DMD: variants seen among roughly 807,000 people sequenced by gnomAD.
The protein encoded by DMD is mutant dystrophin.
Under a neutral mutation model 330.1 loss-of-function variants are expected in DMD, and 63 were observed. The ratio of observed to expected loss-of-function variants is 0.19; its 90% CI spans 0.16 to 0.24. DMD has a LOEUF of 0.24. DMD is among the 10% of genes least tolerant of loss of function. DMD has a pLI of 1.00. For synonymous variants in DMD, 1,223 were observed against 959.8 expected, an observed-to-expected ratio of 1.27 and a Z score of -5.07; for missense variants, 3,344 against 2,684.1, an observed-to-expected ratio of 1.25 and a Z score of -5.43.
chrX:32,377,580 T>C (rs73463810), intron 34 of DMD, among the ~76,000 whole-genome samples: 2,812 of 111,642 alleles, frequency 0.025, 42 homozygotes, highest in South Asian at 0.077. Context: ...CAATTAGATA[T>C]AGGGCCAAGT....
rs1013198086 is a variant in DMD at position 32,863,364 on chromosome X, A to G, written c.94-13544T>C. On this transcript the variant is annotated intron_variant, in intron 2 of 78. Coordinates refer to ENST00000357033, the MANE Select transcript of DMD (RefSeq NM_004006.3). ...AAACTCCACCTTTACTAAAAATACAAAAGTTAGCTGGGCATGGTGGCACGC... is the reference window on the plus strand; with the variant it reads ...AAACTCCACCTTTACTAAAAATACAGAAGTTAGCTGGGCATGGTGGCACGC... 2.8e-5 allele frequency among the ~76,000 whole-genome samples: 3 copies of G among 108,894 alleles called. No individual in the cohort carries two copies. The Admixed American group carries it at 2.9e-4, about 11-fold the overall frequency. 94.6% of individuals were successfully genotyped at this position (108,894 alleles called of 115,157 possible). A position where few individuals can be genotyped will look rare whatever the true frequency, so the allele number is the denominator to read the frequency against.
chrX:32,292,302 C>CTTTTTTGTTTTTTTTTTTTTT (rs2097474840), intron 42 of DMD, among the ~76,000 whole-genome samples: 1 of 62,926 alleles, frequency 1.6e-5, no homozygotes, highest in African/African-American at 7.0e-5. Flanking sequence ...AGGGAATATT[C>CTTTTTTGTTTTTTTTTTTTTT]TTTTTTTTTT....
chrX:31,486,609 T>C (rs1186213661), intron 57 of DMD, among the ~76,000 whole-genome samples: 1 of 111,657 alleles, frequency 9.0e-6, no homozygotes, highest in Non-Finnish European at 1.9e-5. Context: ...GTCTGCAGGA[T>C]TAGGTAGGAG....
chrX:31,586,425 G>A (rs755569657), intron 55 of DMD, among the ~76,000 whole-genome samples: 1 of 112,462 alleles, frequency 8.9e-6, no homozygotes, highest in South Asian at 3.7e-4. Context: ...TAGTTTGAGA[G>A]GCAATTTATT....
chrX:31,449,791 T>TAGATAGATAGATAG (rs1164127132), intron 59 of DMD, among the ~76,000 whole-genome samples: 20 of 88,261 alleles, frequency 2.3e-4, no homozygotes, highest in African/African-American at 8.6e-4. Flanking sequence ...TATATATATA[T>TAGATAGATAGATAG]ATATATAGAT....
chrX:32,842,540 C>A, intron 4 of DMD, among the ~76,000 whole-genome samples: 1 of 111,461 alleles, frequency 9.0e-6, no homozygotes, highest in East Asian at 2.8e-4. Context: ...AGTAAGACCC[C>A]CCCCATACAC....
chrX:31,932,654 G>C (rs994901135), intron 45 of DMD, among the ~76,000 whole-genome samples: 1 of 111,661 alleles, frequency 9.0e-6, no homozygotes, highest in Non-Finnish European at 1.9e-5. Context: ...GCTGAGGCAG[G>C]AGAATCACTT....
intron 7 of DMD, among the ~76,000 whole-genome samples, chrX:32,716,874 GAACTTTT>G (rs1426391810): frequency 9.0e-6 from 1 of 111,709 alleles, no homozygotes; most frequent in African/African-American, 3.3e-5. Flanking sequence ...GGTATGTGTG[GAACTTTT>G]AACTTGAGAC....
chrX:32,088,204 C>A (rs778284637), intron 44 of DMD, among the ~76,000 whole-genome samples: 49 of 111,885 alleles, frequency 4.4e-4, no homozygotes, highest in Non-Finnish European at 4.5e-4. Context: ...TTCCTAGGAG[C>A]TTTATGCATA....
intron 1 of DMD, among the ~76,000 whole-genome samples, chrX:33,224,864 C>A (rs981234845): frequency 3.6e-5 from 4 of 110,729 alleles, no homozygotes; most frequent in Non-Finnish European, 7.6e-5. Context: ...TTGCTGTGAA[C>A]CTAAAGGTTC....
At position 33,009,345 on chromosome X, in the gene DMD, TATACAC is replaced by T. The variant is rs1483429722; in HGVS notation, c.93+10788_93+10793del. ...GTGTATATGTGTATATACACGTGTA[TATACAC>T]ATGTGTGTATATGTGTATATGTGTA... is the stretch of plus-strand genomic sequence containing the variant. On this transcript the variant is annotated intron_variant, in intron 2 of 78. Coordinates refer to ENST00000357033, the MANE Select transcript of DMD (RefSeq NM_004006.3). Among the ~76,000 whole-genome samples, 343 of 55,530 alleles carry T rather than the reference TATACAC, an allele frequency of 6.2e-3. 94 individuals are homozygous for T. The highest frequency in any genetic ancestry group is 0.017 in the Middle Eastern group (1 of 58). The allele number at this position is 55,530 out of a possible 115,157, so 48.2% of individuals were successfully genotyped here.
intron 47 of DMD, among the ~76,000 whole-genome samples, chrX:31,927,125 A>G (rs1301797645): frequency 1.8e-5 from 2 of 112,350 alleles, no homozygotes; most frequent in African/African-American, 6.5e-5. Context: ...AGGCATATGG[A>G]TGGAGAAAAG....
intron 56 of DMD, among the ~76,000 whole-genome samples, chrX:31,499,474 C>A (rs1265393838): frequency 9.6e-6 from 1 of 104,247 alleles, no homozygotes; most frequent in Non-Finnish European, 1.9e-5. Flanking sequence ...TAACTGAGAC[C>A]TAGGGAATTC....
chrX:32,672,898 G>C lies in DMD; in HGVS notation c.960+24972C>G, dbSNP rs568022442. 3.2e-4 allele frequency among the ~76,000 whole-genome samples: 35 copies of C among 110,622 alleles called. No homozygotes were observed. The South Asian group carries it at 0.013, about 40-fold the overall frequency. On this transcript the variant is annotated intron_variant, in intron 9 of 78. Transcript: ENST00000357033. Reference sequence around the variant, plus strand: ...GACAATGTGAATATTTGGATTAAAGGCTTACCAGAATCCTGCCATTCCTTT... The same window carrying C: ...GACAATGTGAATATTTGGATTAAAGCCTTACCAGAATCCTGCCATTCCTTT...
chrX:32,673,192 G>C (rs1156282263), intron 9 of DMD, among the ~76,000 whole-genome samples: 3 of 110,685 alleles, frequency 2.7e-5, no homozygotes, highest in African/African-American at 9.8e-5. Flanking sequence ...CCTATAATGT[G>C]GAACAGGCTG....
chrX:31,448,599 G>T (rs1691670510), intron 59 of DMD, among the ~76,000 whole-genome samples: 1 of 112,548 alleles, frequency 8.9e-6, no homozygotes, highest in African/African-American at 3.2e-5. Context: ...AAAAAGCACA[G>T]TTAACGCTGA....
chrX:32,211,452 T>C (rs1160990468), intron 44 of DMD, among the ~76,000 whole-genome samples: 2 of 111,992 alleles, frequency 1.8e-5, no homozygotes, highest in Non-Finnish European at 3.8e-5. Flanking sequence ...TATATAAATA[T>C]ATTGCACATT....
intron 60 of DMD, among the ~76,000 whole-genome samples, chrX:31,412,741 T>C (rs1006202853): frequency 1.8e-5 from 2 of 112,237 alleles, no homozygotes; most frequent in African/African-American, 6.5e-5. Context: ...CATTTCTCTA[T>C]TGTTTAAGCT....
At chrX:31,366,755 C>T (rs1001467237) in intron 60 of DMD, among the ~76,000 whole-genome samples, 5 of 109,511 alleles carry the variant, frequency 4.6e-5, no homozygotes, top group Admixed American at 9.7e-5. Context: ...GTGTAATAAT[C>T]ACTGTATGTC....
Sources: allele counts gnomAD v4.1 joint callset (sites outside exome capture counted in the v4.1 genomes callset), GRCh38; gene constraint gnomAD v4.1.1; transcripts MANE v1.5; gene names NCBI Gene and HGNC (gene_info 2026-07-23, HGNC 2026-07-21).